CRTAC1: variants seen among roughly 807,000 people sequenced by gnomAD.
CRTAC1 encodes cartilage acidic protein 1.
A neutral mutation model predicts 67.8 loss-of-function variants in CRTAC1; 37 were observed. The observed-to-expected ratio is 0.55, with a 90% confidence interval of 0.42 to 0.72. CRTAC1 has a LOEUF of 0.72. Ranked by LOEUF, CRTAC1 falls within the 30% of genes least tolerant of loss-of-function variation. The pLI is 0.00. For synonymous variants in CRTAC1, 348 were observed against 371.0 expected (o/e 0.94, Z 0.71); for missense variants, 780 against 931.6 (o/e 0.84, Z 2.12).
intron 14 of CRTAC1, chr10:97,869,111 G>A (rs1353665621): frequency 1.3e-5 from 2 of 152,286 alleles, no homozygotes; most frequent in African/African-American, 4.8e-5. Context: ...CCGCTTAACA[G>A]CTTGAGGGCC....
chr10:97,873,322 G>A (rs183858000), intron 14 of CRTAC1, among the ~76,000 whole-genome samples: 1 of 152,324 alleles, frequency 6.6e-6, no homozygotes, highest in East Asian at 1.9e-4. Flanking sequence ...TGGCACATGT[G>A]AGACACCTTC....
rs536914196 is a variant in CRTAC1 at position 97,949,119 on chromosome 10, T to C, written c.225-12753A>G. Among the ~76,000 whole-genome samples, 28 of 152,192 alleles carry C rather than the reference T, an allele frequency of 1.8e-4. 2 individuals are homozygous for C. The highest frequency in any genetic ancestry group is 1.8e-3 in the Admixed American group (28 of 15,296). On this transcript the variant is annotated intron_variant, in intron 2 of 14. Coordinates refer to ENST00000370597, the MANE Select transcript of CRTAC1 (RefSeq NM_018058.7). ...TAGGTTCACAGCTGAGAGGACAGTGTGGAAGTCACAGTGCAGCAGCCTGCT... is the reference window on the plus strand; with the variant it reads ...TAGGTTCACAGCTGAGAGGACAGTGCGGAAGTCACAGTGCAGCAGCCTGCT...
chr10:97,974,203 T>C (rs1008928992), intron 2 of CRTAC1, among the ~76,000 whole-genome samples: 2 of 151,980 alleles, frequency 1.3e-5, no homozygotes, highest in African/African-American at 4.8e-5. Context: ...CTACACACAT[T>C]AGGAGGAAGA....
intron 7 of CRTAC1, 68 bp from the exon 8 acceptor site, chr10:97,901,707 A>G: frequency 6.3e-7 from 1 of 1,583,204 alleles, no homozygotes; most frequent in Non-Finnish European, 8.7e-7. Flanking sequence ...GCTCTCCTCT[A>G]TGGAGTGTGG....
intron 4 of CRTAC1, among the ~76,000 whole-genome samples, 194 bp downstream of exon 4, chr10:97,923,070 G>A (rs1461254295): frequency 6.6e-6 from 1 of 152,198 alleles, no homozygotes; most frequent in African/African-American, 2.4e-5. Context: ...TGGTTTCTGG[G>A]AGGGCTGCAT....
At chr10:97,994,010 C>T (rs557992714) in intron 2 of CRTAC1, among the ~76,000 whole-genome samples, 7 of 152,116 alleles carry the variant, frequency 4.6e-5, no homozygotes, top group African/African-American at 1.4e-4. Flanking sequence ...GCATGCACCA[C>T]CATGCCTGGC....
chr10:97,993,864 CT>C (rs908203643), intron 2 of CRTAC1, among the ~76,000 whole-genome samples: 5 of 151,274 alleles, frequency 3.3e-5, no homozygotes, highest in African/African-American at 9.7e-5. Context: ...AGTGTTTACT[CT>C]TTTTTTTTGA....
At chr10:97,880,625 G>A (rs960397151) in intron 13 of CRTAC1, among the ~76,000 whole-genome samples, 11 of 152,064 alleles carry the variant, frequency 7.2e-5, no homozygotes, top group African/African-American at 1.4e-4. Flanking sequence ...TACTACAATC[G>A]TTCTAGGTGA....
At chr10:97,929,072 T>C (rs1003498232) in intron 3 of CRTAC1, among the ~76,000 whole-genome samples, 6 of 151,596 alleles carry the variant, frequency 4.0e-5, no homozygotes, top group Admixed American at 2.0e-4. Context: ...GTTGGCTGAG[T>C]GTGGCCGGCA....
In CRTAC1 at chr10:97,878,924, C is replaced by T. The variant is rs542106330; in HGVS notation, c.1819+1325G>A. Reference sequence around the variant, plus strand: ...CTTCACTTGGCCCAAACCCTGGTCCCCCAAATGTGAACATTGTTGTACGCA... The same window carrying T: ...CTTCACTTGGCCCAAACCCTGGTCCTCCAAATGTGAACATTGTTGTACGCA... On this transcript the variant is annotated intron_variant, in intron 14 of 14. Coordinates refer to ENST00000370597, the MANE Select transcript of CRTAC1 (RefSeq NM_018058.7). Among the ~76,000 whole-genome samples the T allele has an allele frequency of 1.3e-4, 20 of 152,274 alleles. No individual in the cohort carries two copies. The South Asian group carries it at 3.7e-3, about 28-fold the overall frequency.
intron 7 of CRTAC1, among the ~76,000 whole-genome samples, chr10:97,904,311 T>A (rs2050579826): frequency 6.6e-6 from 1 of 152,184 alleles, no homozygotes; most frequent in Non-Finnish European, 1.5e-5. Flanking sequence ...CCTTGAGCCC[T>A]GCTCAGCCTG....
At chr10:97,888,775 G>C (rs867951466) in intron 11 of CRTAC1, among the ~76,000 whole-genome samples, 1 of 152,132 alleles carries the variant, frequency 6.6e-6, no homozygotes, top group Non-Finnish European at 1.5e-5. Context: ...CCTGTGTATA[G>C]GGGAGGGCTG....
intron 11 of CRTAC1, among the ~76,000 whole-genome samples, chr10:97,889,862 C>T (rs2050342275): frequency 6.6e-6 from 1 of 152,154 alleles, no homozygotes; most frequent in Admixed American, 6.5e-5. Context: ...CCCCTCCCCT[C>T]TACTCCTCAG....
intron 2 of CRTAC1, among the ~76,000 whole-genome samples, chr10:97,955,233 A>G (rs370359605): frequency 6.6e-6 from 1 of 152,198 alleles, no homozygotes; most frequent in South Asian, 2.1e-4. Flanking sequence ...TATGGAGTCC[A>G]AGGGTTTCTC....
chr10:97,938,755 C>A (rs2051127930), intron 2 of CRTAC1, among the ~76,000 whole-genome samples: 1 of 152,194 alleles, frequency 6.6e-6, no homozygotes, highest in South Asian at 2.1e-4. Context: ...GGCTCATTTG[C>A]CAGAGATGAG....
intron 14 of CRTAC1, among the ~76,000 whole-genome samples, chr10:97,876,790 A>G (rs2050152239): frequency 6.6e-6 from 1 of 152,134 alleles, no homozygotes; most frequent in African/African-American, 2.4e-5. Context: ...GAAAGGGATT[A>G]GAAGAAAGAG....
chr10:97,923,193 G>A (rs900415987), intron 4 of CRTAC1, 71 bp downstream of exon 4: 9 of 1,583,980 alleles, frequency 5.7e-6, no homozygotes, highest in African/African-American at 5.4e-5. Flanking sequence ...GTCAGGGGAC[G>A]TCTACACAGT....
rs991900205 is a variant in CRTAC1, at chr10:97,938,127, G to A, written c.225-1761C>T. ...GGAGCTCCCTGGGGGCTGAGTCAGC[G>A]CCCGGTGATGGAAGGTCATGCCTTA... On this transcript the variant is annotated intron_variant, in intron 2 of 14. Coordinates refer to ENST00000370597, the MANE Select transcript of CRTAC1 (RefSeq NM_018058.7). 9.9e-5 allele frequency among the ~76,000 whole-genome samples: 15 copies of A among 152,232 alleles called. No homozygotes were observed. The Middle Eastern group carries it at 0.01, about 104-fold the overall frequency.
rs375135331 is a variant in CRTAC1, at chr10:98,011,274, G to C, written c.88C>G (p.Arg30Gly). The change falls in exon 2 of 15, where the codon CGG becomes GGG. Residue 30 changes from arginine (R) to glycine (G), a missense_variant. Transcript: ENST00000370597. ...WFLPITEGSQ[R>G]AEPMFTAVTN... ...ACTGCAGTGAACATGGGTTCAGCCC[G>C]CTGGGACCCCTCAGTGATGGGCAGA... 6.2e-7 allele frequency: 1 copy of C among 1,614,218 alleles called. No homozygotes were observed. The highest frequency in any genetic ancestry group is 8.5e-7 in the Non-Finnish European group (1 of 1,180,044).
Sources: allele counts gnomAD v4.1 joint callset (sites outside exome capture counted in the v4.1 genomes callset), GRCh38; gene constraint gnomAD v4.1.1; transcripts MANE v1.5; gene names NCBI Gene and HGNC (gene_info 2026-07-23, HGNC 2026-07-21).